Variants in MSRB3 observed in about 807,000 individuals in gnomAD.
MSRB3 encodes methionine-R-sulfoxide reductase B3.
Under a neutral mutation model 21.0 loss-of-function variants are expected in MSRB3, and 13 were observed. The observed-to-expected ratio is 0.62, with a 90% CI of 0.40 to 0.98. The LOEUF is 0.98. Among genes scored for constraint, MSRB3 ranks in the 50% least tolerant of loss-of-function variants. The pLI is 0.00. For missense variants in MSRB3, 199 were observed against 230.3 expected (o/e 0.86, Z 0.88); for synonymous variants, 87 against 88.6 (o/e 0.98, Z 0.10).
At chr12:65,345,756 G>A (rs113594075) in intron 4 of MSRB3, among the ~76,000 whole-genome samples, 7 of 151,914 alleles carry the variant, frequency 4.6e-5, no homozygotes, top group South Asian at 4.2e-4. Flanking sequence ...AACACGCCAC[G>A]GTGTGTGATG....
At chr12:65,346,560 C>G (rs1876521134) in intron 4 of MSRB3, among the ~76,000 whole-genome samples, 1 of 152,044 alleles carries the variant, frequency 6.6e-6, no homozygotes, top group Non-Finnish European at 1.5e-5. Context: ...ATGGTAGTTT[C>G]TTTTGCTGTG....
chr12:65,384,248 C>T (rs1409467718), intron 5 of MSRB3, among the ~76,000 whole-genome samples: 2 of 151,974 alleles, frequency 1.3e-5, no homozygotes, highest in South Asian at 4.2e-4. Flanking sequence ...AATAATTTTC[C>T]TCTTTTGGCA....
At chr12:65,343,285 C>T (rs1271623890) in intron 4 of MSRB3, among the ~76,000 whole-genome samples, 1 of 151,988 alleles carries the variant, frequency 6.6e-6, no homozygotes, top group Admixed American at 6.6e-5. Context: ...TGCTTCTTTC[C>T]TTTTTTATCC....
rs544454475 is a variant in MSRB3, at chr12:65,333,792, C to T, written c.263+5189C>T. 1.3e-5 allele frequency among the ~76,000 whole-genome samples: 2 copies of T among 152,316 alleles called. 1 individual carries two copies. The highest frequency in any genetic ancestry group is 4.1e-4 in the South Asian group (2 of 4,830). ...TATAATTATCTGTCTATGTGCTTGT[C>T]TACCCTCTTGGAGTGAATTTCACAA... On this transcript the variant is annotated intron_variant, in intron 4 of 6. Transcript: ENST00000308259.
intron 6 of MSRB3, among the ~76,000 whole-genome samples, chr12:65,458,577 C>T (rs190883941): frequency 6.6e-6 from 1 of 152,204 alleles, no homozygotes; most frequent in Non-Finnish European, 1.5e-5. Context: ...AAGCAAGGGT[C>T]GGAGAGATTC....
intron 4 of MSRB3, among the ~76,000 whole-genome samples, chr12:65,363,133 A>G (rs560509770): frequency 6.6e-6 from 1 of 152,348 alleles, no homozygotes; most frequent in Non-Finnish European, 1.5e-5. Flanking sequence ...AGTTGATATC[A>G]GTTAAAAACA....
chr12:65,433,414 A>C (rs996848694), intron 5 of MSRB3, among the ~76,000 whole-genome samples: 20 of 151,872 alleles, frequency 1.3e-4, no homozygotes, highest in Admixed American at 6.6e-5. Flanking sequence ...ATTAAAAAAA[A>C]ATTTTTTTAA....
At chr12:65,450,599 A>G (rs2136697127) in intron 5 of MSRB3, among the ~76,000 whole-genome samples, 1 of 152,346 alleles carries the variant, frequency 6.6e-6, no homozygotes, top group South Asian at 2.1e-4. Context: ...GAATGCATCC[A>G]AAACAAATAA....
At chr12:65,288,673 G>C (rs1211375021) in intron 1 of MSRB3, among the ~76,000 whole-genome samples, 1 of 152,064 alleles carries the variant, frequency 6.6e-6, no homozygotes, top group Non-Finnish European at 1.5e-5. Flanking sequence ...GTACAGCTGG[G>C]AATTGCTTAT....
chr12:65,395,706 G>A (rs904683109), intron 5 of MSRB3, among the ~76,000 whole-genome samples: 2 of 152,082 alleles, frequency 1.3e-5, no homozygotes, highest in African/African-American at 4.8e-5. Flanking sequence ...AACCTGTTCT[G>A]ATTATCTATT....
At chr12:65,414,486 T>C (rs1156603710) in intron 5 of MSRB3, among the ~76,000 whole-genome samples, 1 of 152,234 alleles carries the variant, frequency 6.6e-6, no homozygotes, top group Non-Finnish European at 1.5e-5. Context: ...ATACTTATGA[T>C]TGTGCTACAA....
At chr12:65,371,290 T>C (rs1161092240) in intron 5 of MSRB3, among the ~76,000 whole-genome samples, 1 of 130,588 alleles carries the variant, frequency 7.7e-6, no homozygotes, top group African/African-American at 2.9e-5. Context: ...ATTCTGCCAC[T>C]GCACTCCAGC....
intron 5 of MSRB3, among the ~76,000 whole-genome samples, chr12:65,397,896 A>C (rs1291690434): frequency 6.6e-6 from 1 of 152,156 alleles, no homozygotes; most frequent in Non-Finnish European, 1.5e-5. Flanking sequence ...GCTGAGAATG[A>C]TGGTTTCCAG....
chr12:65,415,570 G>T (rs552283057), intron 5 of MSRB3, among the ~76,000 whole-genome samples: 23 of 152,242 alleles, frequency 1.5e-4, no homozygotes, highest in Middle Eastern at 6.8e-3. Flanking sequence ...TCTTACAAGA[G>T]AATTTAGGGA....
intron 5 of MSRB3, among the ~76,000 whole-genome samples, chr12:65,397,128 T>C (rs1048142782): frequency 6.6e-6 from 1 of 152,204 alleles, no homozygotes; most frequent in African/African-American, 2.4e-5. Context: ...CTCTTATCCC[T>C]GATAATTTTC....
intron 5 of MSRB3, among the ~76,000 whole-genome samples, chr12:65,401,234 T>C (rs1211116674): frequency 6.6e-6 from 1 of 152,214 alleles, no homozygotes; most frequent in Non-Finnish European, 1.5e-5. Flanking sequence ...ACTATTATTG[T>C]ATGGGAGTCT....
chr12:65,346,651 G>T (rs968945849), intron 4 of MSRB3, among the ~76,000 whole-genome samples: 2 of 152,122 alleles, frequency 1.3e-5, no homozygotes, highest in Non-Finnish European at 2.9e-5. Flanking sequence ...TAGACACGAA[G>T]TCCTTGCCCA....
intron 4 of MSRB3, among the ~76,000 whole-genome samples, chr12:65,330,261 C>G (rs1257641898): frequency 6.6e-6 from 1 of 152,128 alleles, no homozygotes; most frequent in Non-Finnish European, 1.5e-5. Flanking sequence ...AAAGCAAGAC[C>G]CTTATCCAAA....
At chr12:65,374,483 TAAC>T (rs1356186899) in intron 5 of MSRB3, among the ~76,000 whole-genome samples, 1 of 152,174 alleles carries the variant, frequency 6.6e-6, no homozygotes, top group African/African-American at 2.4e-5. Flanking sequence ...TGAGGAGGCC[TAAC>T]AAGACTAAAA....
Sources: allele counts gnomAD v4.1 joint callset (sites outside exome capture counted in the v4.1 genomes callset), GRCh38; gene constraint gnomAD v4.1.1; transcripts MANE v1.5; gene names NCBI Gene and HGNC (gene_info 2026-07-23, HGNC 2026-07-21).